ZNF385B: variants seen among roughly 807,000 people sequenced by gnomAD.
The protein encoded by ZNF385B is zinc finger protein 533.
In ZNF385B, 23 loss-of-function variants were observed where a neutral mutation model predicts 39.2. The ratio of observed to expected loss-of-function variants is 0.59; its 90% CI spans 0.42 to 0.83. The LOEUF (loss-of-function observed/expected upper bound fraction) is 0.83, where lower values mean the gene tolerates loss of function less well. Ranked by LOEUF, ZNF385B falls within the 40% of genes least tolerant of loss-of-function variation. The pLI is 0.00. For missense variants in ZNF385B, 552 were observed against 598.9 expected (o/e 0.92, Z 0.82); for synonymous variants, 205 against 222.6 (o/e 0.92, Z 0.70).
chr2:179,608,668 T>C (rs915775444), intron 3 of ZNF385B, among the ~76,000 whole-genome samples: 36 of 152,260 alleles, frequency 2.4e-4, no homozygotes, highest in Non-Finnish European at 2.4e-4. Flanking sequence ...GGGGATATCA[T>C]AAAATAACAT....
At chr2:179,646,015 G>T (rs1692688221) in intron 3 of ZNF385B, among the ~76,000 whole-genome samples, 1 of 152,106 alleles carries the variant, frequency 6.6e-6, no homozygotes, top group African/African-American at 2.4e-5. Flanking sequence ...CCCACCTCAA[G>T]CCAGCTTCTT....
At chr2:179,749,752 G>T (rs1399313087) in intron 3 of ZNF385B, among the ~76,000 whole-genome samples, 1 of 152,034 alleles carries the variant, frequency 6.6e-6, no homozygotes, top group African/African-American at 2.4e-5. Context: ...TGCCTTTGAT[G>T]ATTTAAATCA....
At chr2:179,697,419 G>C (rs113154831) in intron 3 of ZNF385B, among the ~76,000 whole-genome samples, 2,352 of 152,258 alleles carry the variant, frequency 0.015, 71 homozygotes, top group African/African-American at 0.052. Context: ...TCTCCTTCCT[G>C]CTGCCTTGGG....
chr2:179,578,873 C>T (rs1031735331), intron 3 of ZNF385B, among the ~76,000 whole-genome samples: 4 of 152,066 alleles, frequency 2.6e-5, no homozygotes, highest in South Asian at 2.1e-4. Flanking sequence ...GCTTATTTGA[C>T]CTCCTCTATG....
chr2:179,602,353 G>A (rs1574952557), intron 3 of ZNF385B, among the ~76,000 whole-genome samples: 3 of 152,056 alleles, frequency 2.0e-5, no homozygotes, highest in Admixed American at 6.6e-5. Flanking sequence ...GTGCCACCAC[G>A]CCTGGCTAAT....
intron 1 of ZNF385B, chr2:179,860,875 C>G (rs1470227360): frequency 9.7e-6 from 3 of 309,654 alleles, no homozygotes; most frequent in Non-Finnish European, 2.1e-5. Flanking sequence ...TCCAGGGACT[C>G]GCAGGAGTTA....
chr2:179,557,797 T>C (rs1333442679), intron 3 of ZNF385B, among the ~76,000 whole-genome samples: 1 of 151,946 alleles, frequency 6.6e-6, no homozygotes, highest in East Asian at 1.9e-4. Flanking sequence ...ATGCTGAGGT[T>C]TGGGCTGCTA....
chr2:179,576,591 C>G (rs987462585), intron 3 of ZNF385B, among the ~76,000 whole-genome samples: 1 of 152,222 alleles, frequency 6.6e-6, no homozygotes, highest in East Asian at 1.9e-4. Context: ...TCCACATCAC[C>G]GTAGTTACTG....
At chr2:179,613,686 T>A (rs1264527196) in intron 3 of ZNF385B, among the ~76,000 whole-genome samples, 1 of 151,744 alleles carries the variant, frequency 6.6e-6, no homozygotes, top group Non-Finnish European at 1.5e-5. Context: ...AGGAAAGGAG[T>A]CTCTCCAAAA....
At chr2:179,745,631 C>T (rs1296153084) in intron 3 of ZNF385B, 3 of 1,289,090 alleles carry the variant, frequency 2.3e-6, no homozygotes, top group Non-Finnish European at 3.1e-6. Flanking sequence ...GAGGACTCCA[C>T]AGGATTCAGC....
chr2:179,605,141 AT>A lies in ZNF385B; in HGVS notation c.299-60173del, dbSNP rs548346473. The stretch of plus-strand genomic sequence containing the variant: ...GATTTTTCAAAATGCACAGCAATGT[AT>A]TTTGACATGTTAAATGTTAATAACA... On this transcript the variant is annotated intron_variant, in intron 3 of 9. Transcript: ENST00000410066. Among the ~76,000 whole-genome samples the A allele has an allele frequency of 1.8e-3, 275 of 152,268 alleles. 1 individual carries two copies. The highest frequency in any genetic ancestry group is 6.3e-3 in the African/African-American group (260 of 41,572).
At chr2:179,609,540 G>A (rs376629920) in intron 3 of ZNF385B, among the ~76,000 whole-genome samples, 2 of 152,170 alleles carry the variant, frequency 1.3e-5, no homozygotes, top group African/African-American at 2.4e-5. Flanking sequence ...ATAAACATGG[G>A]AGCACAGGAA....
At chr2:179,782,681 C>T (rs563069164) in intron 1 of ZNF385B, among the ~76,000 whole-genome samples, 1 of 152,240 alleles carries the variant, frequency 6.6e-6, no homozygotes, top group African/African-American at 2.4e-5. Context: ...TTCTTATACA[C>T]CAATAATAGC....
chr2:179,830,558 C>A (rs947340716), intron 1 of ZNF385B, among the ~76,000 whole-genome samples: 1 of 152,066 alleles, frequency 6.6e-6, no homozygotes, highest in Non-Finnish European at 1.5e-5. Context: ...GCTGTCAAGC[C>A]ACAAAAGACT....
chr2:179,810,672 T>C (rs1002467692), intron 1 of ZNF385B, among the ~76,000 whole-genome samples: 1 of 152,064 alleles, frequency 6.6e-6, no homozygotes, highest in African/African-American at 2.4e-5. Context: ...AATAAAACTT[T>C]TGGAAGTAAA....
At position 179,740,275 on chromosome 2, in the gene ZNF385B, C is replaced by A. The variant is rs185845319; in HGVS notation, c.298+29228G>T. Among the ~76,000 whole-genome samples, 107 of 152,212 alleles carry A rather than the reference C, an allele frequency of 7.0e-4. 4 individuals are homozygous for A. The East Asian group carries it at 0.018, about 25-fold the overall frequency. On this transcript the variant is annotated intron_variant, in intron 3 of 9. Coordinates refer to ENST00000410066, the MANE Select transcript of ZNF385B (RefSeq NM_152520.6). ...GAAAACTGGCAGTACTATAGATCTC[C>A]AAGTGAAATTCACACATCAAATTTG...
intron 4 of ZNF385B, among the ~76,000 whole-genome samples, chr2:179,530,247 A>G (rs1385786829): frequency 6.6e-6 from 1 of 152,210 alleles, no homozygotes; most frequent in African/African-American, 2.4e-5. Flanking sequence ...TGCCAAAAAT[A>G]AATCTGAGAA....
In ZNF385B at chr2:179,763,008, G is replaced by A. The variant is rs61171068; in HGVS notation, c.298+6495C>T. Among the ~76,000 whole-genome samples, 334 of 152,232 alleles carry A rather than the reference G, an allele frequency of 2.2e-3. 1 individual carries two copies. Among genetic ancestry groups the A allele is most frequent in the African/African-American group, 7.7e-3 (320 of 41,518 alleles). ...CAACCTGTGCCTCCTGGGTTCCAGC[G>A]ATTCTCCTGTCTCAACCTCCAGAAT... On this transcript the variant is annotated intron_variant, in intron 3 of 9. Coordinates refer to ENST00000410066, the MANE Select transcript of ZNF385B (RefSeq NM_152520.6).
At chr2:179,519,934 T>G (rs1179193680) in intron 4 of ZNF385B, among the ~76,000 whole-genome samples, 1 of 152,232 alleles carries the variant, frequency 6.6e-6, no homozygotes, top group Non-Finnish European at 1.5e-5. Context: ...GAAGAGTTAT[T>G]GAATAATAAA....
Sources: allele counts gnomAD v4.1 joint callset (sites outside exome capture counted in the v4.1 genomes callset), GRCh38; gene constraint gnomAD v4.1.1; transcripts MANE v1.5; gene names NCBI Gene and HGNC (gene_info 2026-07-23, HGNC 2026-07-21).